Variants in RBFOX1 observed in about 807,000 individuals in gnomAD.
RBFOX1 encodes the protein RNA binding fox-1 homolog 1.
RBFOX1 carries 8 observed loss-of-function variants against 57.7 expected under a neutral mutation model. That is an observed-to-expected ratio of 0.14 (90% confidence interval 0.08 to 0.25). The LOEUF is 0.25. RBFOX1 is among the 10% of genes least tolerant of loss of function. The pLI, the probability that RBFOX1 is intolerant of heterozygous loss-of-function variation, is 1.00. For synonymous variants in RBFOX1, 326 were observed against 222.4 expected (o/e 1.47, Z -4.15); for missense variants, 611 against 548.5 (o/e 1.11, Z -1.14).
intron 4 of RBFOX1, among the ~76,000 whole-genome samples, chr16:7,377,944 C>T (rs1036500940): frequency 1.3e-5 from 2 of 151,592 alleles, no homozygotes; most frequent in Non-Finnish European, 2.9e-5. Context: ...TTAGCTGGGA[C>T]AGGAAAGAAG....
intron 1 of RBFOX1, among the ~76,000 whole-genome samples, chr16:6,197,577 C>T (rs977577414): frequency 6.6e-6 from 1 of 151,930 alleles, no homozygotes; most frequent in Non-Finnish European, 1.5e-5. Context: ...AAAGACAAAA[C>T]CAGATAATAG....
At chr16:7,321,077 G>GTATACATATACA (rs368597309) in intron 4 of RBFOX1, among the ~76,000 whole-genome samples, 32,526 of 142,386 alleles carry the variant, frequency 0.23, 4,154 homozygotes, top group Middle Eastern at 0.29. Context: ...CTATCTATAC[G>GTATACATATACA]TATACATATA....
intron 2 of RBFOX1, among the ~76,000 whole-genome samples, chr16:5,568,283 C>T (rs1704628700): frequency 6.6e-6 from 1 of 152,156 alleles, no homozygotes; most frequent in African/African-American, 2.4e-5. Context: ...CTTGCCTTTG[C>T]CCAAGCTGTG....
intron 1 of RBFOX1, among the ~76,000 whole-genome samples, chr16:6,136,969 G>A (rs1229195002): frequency 6.6e-6 from 1 of 152,076 alleles, no homozygotes; most frequent in Non-Finnish European, 1.5e-5. Flanking sequence ...AGTTTAATTT[G>A]CCTTTTTTAA....
chr16:6,101,841 C>A (rs1012264312), intron 1 of RBFOX1, among the ~76,000 whole-genome samples: 24 of 152,196 alleles, frequency 1.6e-4, no homozygotes, highest in African/African-American at 5.8e-4. Flanking sequence ...CCCTTGCCCT[C>A]ATCTGCCGGG....
intron 3 of RBFOX1, among the ~76,000 whole-genome samples, chr16:6,728,521 T>A (rs756341168): frequency 2.0e-5 from 3 of 152,276 alleles, no homozygotes; most frequent in Non-Finnish European, 4.4e-5. Context: ...TCTCAACGCA[T>A]CTGAAGTGGT....
intron 3 of RBFOX1, among the ~76,000 whole-genome samples, chr16:6,802,637 A>C (rs1252907728): frequency 6.6e-6 from 1 of 152,210 alleles, no homozygotes; most frequent in African/African-American, 2.4e-5. Flanking sequence ...AGATTGTGCT[A>C]CTGTACTCCA....
chr16:5,653,927 G>C (rs550276169), intron 3 of RBFOX1, among the ~76,000 whole-genome samples: 4 of 152,140 alleles, frequency 2.6e-5, no homozygotes, highest in Non-Finnish European at 1.5e-5. Flanking sequence ...GTGTCTGCTC[G>C]TCTATTCTCC....
intron 3 of RBFOX1, among the ~76,000 whole-genome samples, chr16:6,685,727 C>T (rs920362110): frequency 6.6e-6 from 1 of 152,112 alleles, no homozygotes; most frequent in African/African-American, 2.4e-5. Flanking sequence ...CTCAAGAATA[C>T]CAATTTTAAC....
chr16:7,116,743 G>A (rs925589987), intron 4 of RBFOX1, among the ~76,000 whole-genome samples: 3 of 152,136 alleles, frequency 2.0e-5, no homozygotes, highest in Admixed American at 6.5e-5. Flanking sequence ...GGAGATGTCC[G>A]ACCTGCATTT....
chr16:5,470,591 G>A (rs1172159484), intron 2 of RBFOX1, among the ~76,000 whole-genome samples: 2 of 152,136 alleles, frequency 1.3e-5, no homozygotes, highest in Non-Finnish European at 2.9e-5. Flanking sequence ...TCACCCGTGA[G>A]CCATATGATA....
intron 11 of RBFOX1, among the ~76,000 whole-genome samples, chr16:7,638,515 T>C (rs2143011411): frequency 6.6e-6 from 1 of 152,262 alleles, no homozygotes; most frequent in South Asian, 2.1e-4. Flanking sequence ...AGCAACTCTA[T>C]TTGGGCCAAG....
intron 1 of RBFOX1, among the ~76,000 whole-genome samples, chr16:6,024,907 C>T (rs1354057268): frequency 6.6e-6 from 1 of 152,206 alleles, no homozygotes; most frequent in East Asian, 1.9e-4. Context: ...TCCTAAAAGA[C>T]TTCCGTTCTA....
At chr16:5,756,004 A>G (rs773310935) in intron 3 of RBFOX1, among the ~76,000 whole-genome samples, 6 of 152,084 alleles carry the variant, frequency 3.9e-5, no homozygotes, top group East Asian at 3.9e-4. Flanking sequence ...GGTCATGGTG[A>G]AAGTTTGGAT....
rs1399143216 is a variant in RBFOX1 at position 6,721,397 on chromosome 16, C to A, written c.-16+66747C>A. 2.6e-5 allele frequency among the ~76,000 whole-genome samples: 4 copies of A among 152,308 alleles called. No individual in the cohort carries two copies. In the East Asian group the frequency reaches 7.7e-4, roughly 29 times the overall value. The stretch of plus-strand genomic sequence containing the variant: ...GGCGGAGGTTACAGTGAGCCGAGAT[C>A]ATGCCACTGCACTCCAGCCTGGGGG... On this transcript the variant is annotated intron_variant, in intron 3 of 15. Transcript: ENST00000550418.
intron 3 of RBFOX1, among the ~76,000 whole-genome samples, chr16:6,760,566 G>A (rs995623682): frequency 1.3e-5 from 2 of 152,176 alleles, no homozygotes; most frequent in South Asian, 2.1e-4. Flanking sequence ...TAGTCTTCTC[G>A]ACAGTTTAGC....
chr16:5,252,965 A>G (rs1001428786), intron 1 of RBFOX1, among the ~76,000 whole-genome samples: 2 of 152,196 alleles, frequency 1.3e-5, no homozygotes, highest in African/African-American at 4.8e-5. Context: ...GTTCACATGC[A>G]CGCAGCCAAT....
chr16:5,815,847 G>A (rs933140633), intron 3 of RBFOX1, among the ~76,000 whole-genome samples: 4 of 152,206 alleles, frequency 2.6e-5, no homozygotes, highest in African/African-American at 9.6e-5. Context: ...GTTCACTAAT[G>A]AACTCAGATG....
chr16:6,638,227 G>T (rs533481344), intron 2 of RBFOX1, among the ~76,000 whole-genome samples: 1 of 152,148 alleles, frequency 6.6e-6, no homozygotes, highest in Non-Finnish European at 1.5e-5. Flanking sequence ...GGGAAAGAGG[G>T]TGGAAAAACC....
Sources: gnomAD v4.1 joint callset for allele counts (sites outside exome capture counted in the v4.1 genomes callset) on GRCh38, gnomAD v4.1.1 for gene constraint, MANE v1.5 for transcripts, NCBI Gene and HGNC (gene_info 2026-07-23, HGNC 2026-07-21) for gene names.